IGSF10: variants seen among roughly 807,000 people sequenced by gnomAD.
IGSF10 encodes the protein immunoglobulin superfamily member 10.
IGSF10 carries 126 observed loss-of-function variants against 128.2 expected under a neutral mutation model. The observed-to-expected ratio is 0.98, with a 90% CI of 0.85 to 1.14. IGSF10 has a LOEUF of 1.14. Ranked by LOEUF, IGSF10 falls within the 50% of genes most tolerant of loss-of-function variation. The pLI is 0.00. For synonymous variants in IGSF10, 1,185 were observed against 1,146.2 expected (o/e 1.03, Z -0.68); for missense variants, 3,295 against 3,149.8 (o/e 1.05, Z -1.10).
chr3:151,463,945 G>A (rs1400472488), upstream of IGSF10, among the ~76,000 whole-genome samples: 2 of 152,106 alleles, frequency 1.3e-5, no homozygotes, highest in African/African-American at 4.8e-5. Context: ...GCTTAATAAT[G>A]CAATATGTTT....
the IGSF10 span, among the ~76,000 whole-genome samples, chr3:151,470,564 C>A: frequency 5.9e-5 from 9 of 152,298 alleles, no homozygotes; most frequent in African/African-American, 1.9e-4. Flanking sequence ...TAAAGTTGAC[C>A]TTACAACAGC....
the IGSF10 span, among the ~76,000 whole-genome samples, chr3:151,589,248 A>G: frequency 7.9e-5 from 12 of 152,182 alleles, no homozygotes; most frequent in East Asian, 1.9e-4. Context: ...AAAAGTTGGA[A>G]GAGACATGGT....
chr3:151,615,294 G>A, the IGSF10 span, among the ~76,000 whole-genome samples: 2 of 151,860 alleles, frequency 1.3e-5, no homozygotes, highest in Non-Finnish European at 2.9e-5. Context: ...CACCTTTAAT[G>A]TCTATATCAC....
the IGSF10 span, among the ~76,000 whole-genome samples, chr3:151,490,283 A>T: frequency 6.6e-6 from 1 of 152,178 alleles, no homozygotes; most frequent in Non-Finnish European, 1.5e-5. Context: ...AGAAACAAAG[A>T]GTGTCATTAT....
At chr3:151,599,579 A>G in the IGSF10 span, among the ~76,000 whole-genome samples, 1 of 152,196 alleles carries the variant, frequency 6.6e-6, no homozygotes, top group Non-Finnish European at 1.5e-5. Flanking sequence ...TGGACCCAGA[A>G]GATAAAAGCT....
chr3:151,615,907 T>G, the IGSF10 span, among the ~76,000 whole-genome samples: 2 of 152,040 alleles, frequency 1.3e-5, no homozygotes, highest in Admixed American at 1.3e-4. Flanking sequence ...CGTTTATTTA[T>G]CCACTTACCA....
the IGSF10 span, among the ~76,000 whole-genome samples, chr3:151,619,126 A>G: frequency 1.3e-5 from 2 of 152,036 alleles, no homozygotes; most frequent in Non-Finnish European, 2.9e-5. Flanking sequence ...TTTTTTATAG[A>G]AAATACCAAA....
At chr3:151,432,618 C>A, downstream of IGSF10, 1 of 630,044 alleles carries the variant, frequency 1.6e-6, no homozygotes, top group Non-Finnish European at 2.8e-6. Flanking sequence ...TTTTTCAGGG[C>A]AAGGATAGTA....
chr3:151,592,651 C>G, the IGSF10 span, among the ~76,000 whole-genome samples: 2 of 152,132 alleles, frequency 1.3e-5, no homozygotes, highest in African/African-American at 4.8e-5. Context: ...AAATACAACC[C>G]TGAGAATTGG....
At chr3:151,491,373 T>C in the IGSF10 span, among the ~76,000 whole-genome samples, 1 of 151,938 alleles carries the variant, frequency 6.6e-6, no homozygotes, top group Non-Finnish European at 1.5e-5. Flanking sequence ...GGTCAGGAGG[T>C]CAAGACCAAC....
At chr3:151,564,260 A>G in the IGSF10 span, among the ~76,000 whole-genome samples, 1 of 152,224 alleles carries the variant, frequency 6.6e-6, no homozygotes, top group South Asian at 2.1e-4. Context: ...CCAAGCTGAT[A>G]TTATCGGGTT....
At position 151,453,660 on chromosome 3, in the gene IGSF10, C is replaced by T; in HGVS notation, c.439G>A (p.Glu147Lys). ...AGAAAGTTGAGCCCATAAAAAACCT[C>T]TGGGTTTATAAACTCAATATTGTTG... ...DHNNIEFINP[E>K]VFYGLNFLRL... Residue 147 changes from glutamate to lysine, a missense_variant, in exon 5 of 8, where the codon GAG (glutamate) becomes AAG (lysine). Coordinates refer to ENST00000282466, the MANE Select transcript of IGSF10 (RefSeq NM_178822.5). 1 of 1,613,870 alleles carries T rather than the reference C, an allele frequency of 6.2e-7. No individual in the cohort carries two copies. The highest frequency in any genetic ancestry group is 8.5e-7 in the Non-Finnish European group (1 of 1,179,776).
At chr3:151,506,211 C>T in the IGSF10 span, among the ~76,000 whole-genome samples, 5 of 152,178 alleles carry the variant, frequency 3.3e-5, no homozygotes, top group African/African-American at 9.7e-5. Context: ...CCTTGGCCTC[C>T]CAAAGTGCTG....
chr3:151,448,996 T>C lies in IGSF10; in HGVS notation c.985A>G (p.Asn329Asp). Residue 329 changes from asparagine to aspartate, a missense_variant, in exon 6 of 8, where the codon AAC (asparagine) becomes GAC (aspartate). Physicochemically the swap from Asn to Asp is conservative, Grantham distance 23 (BLOSUM62 1). Transcript: ENST00000282466. Reference protein sequence around the residue: ...NMTDQSGNEANMVCSIQKPSR... With the variant: ...NMTDQSGNEADMVCSIQKPSR... ...GGCTTTTGAATACTGCAGACCATGT[T>C]AGCTTCATTTCCAGACTGATCTGTC... The C allele has an allele frequency of 1.2e-6, 2 of 1,614,242 alleles. No homozygotes were observed. Among genetic ancestry groups the C allele is most frequent in the Non-Finnish European group, 1.7e-6 (2 of 1,180,034 alleles).
the IGSF10 span, among the ~76,000 whole-genome samples, chr3:151,603,846 C>A: frequency 1.3e-5 from 2 of 152,324 alleles, no homozygotes; most frequent in African/African-American, 4.8e-5. Flanking sequence ...AAGCTGATGT[C>A]CCAGTTCAAA....
chr3:151,454,534 ACAGTTCATTATATTCTTT>A (rs1478612397), intron 4 of IGSF10, among the ~76,000 whole-genome samples: 2 of 152,038 alleles, frequency 1.3e-5, no homozygotes, highest in Non-Finnish European at 1.5e-5. Context: ...ATGGTCCATT[ACAGTTCATTATATTCTTT>A]CTACTTTTGT....
At chr3:151,584,397 C>T in the IGSF10 span, among the ~76,000 whole-genome samples, 1 of 152,180 alleles carries the variant, frequency 6.6e-6, no homozygotes, top group Non-Finnish European at 1.5e-5. Flanking sequence ...AGACCATTTG[C>T]ATTTTAATAT....
chr3:151,451,166 A>G (rs1721493317), intron 5 of IGSF10, among the ~76,000 whole-genome samples: 1 of 152,082 alleles, frequency 6.6e-6, no homozygotes, highest in African/African-American at 2.4e-5. Flanking sequence ...GCCCCATGGA[A>G]ATCCTTTCCA....
At chr3:151,514,407 G>A in the IGSF10 span, among the ~76,000 whole-genome samples, 1 of 152,140 alleles carries the variant, frequency 6.6e-6, no homozygotes, top group Admixed American at 6.5e-5. Context: ...TGGGAAAACT[G>A]GCTAGCCATA....
Sources: allele counts gnomAD v4.1 joint callset (sites outside exome capture counted in the v4.1 genomes callset), GRCh38; gene constraint gnomAD v4.1.1; transcripts MANE v1.5; gene names NCBI Gene and HGNC (gene_info 2026-07-23, HGNC 2026-07-21).